NHSL1: variants seen among roughly 807,000 people sequenced by gnomAD.
NHSL1 encodes the protein NHS-like protein 1.
A neutral mutation model predicts 95.0 loss-of-function variants in NHSL1; 48 were observed. The ratio of observed to expected loss-of-function variants is 0.51; its 90% CI spans 0.40 to 0.64. The LOEUF (loss-of-function observed/expected upper bound fraction) is 0.64. Ranked by LOEUF, NHSL1 falls within the 30% of genes least tolerant of loss-of-function variation. NHSL1 has a pLI of 0.00. For missense variants in NHSL1, 1,971 were observed against 2,077.7 expected (o/e 0.95, Z 1.00); for synonymous variants, 783 against 833.9 (o/e 0.94, Z 1.05).
chr6:138,504,148 T>C (rs1286048374), upstream of NHSL1, among the ~76,000 whole-genome samples: 2 of 152,062 alleles, frequency 1.3e-5, no homozygotes, highest in Non-Finnish European at 2.9e-5. Flanking sequence ...GGCAGGAAGA[T>C]TGCTTAAGCC....
Position 138,432,188 on chromosome 6 carries a change from C to T in NHSL1, c.2157G>A (p.Ser719=), listed in dbSNP as rs573930732. Residue 719 remains serine (S), a synonymous_variant, in exon 6 of 8, where the codon TCG becomes TCA. Transcript: ENST00000343505. The surrounding 1 kb of genome is among the most constrained non-coding windows in gnomAD (Gnocchi z 4.4). ...AGTCACTGCAGGGGCTCTGGGAGGGCGAGCTGCCACTCTTGCCTGGGAGGC... is the reference window on the plus strand; with the variant it reads ...AGTCACTGCAGGGGCTCTGGGAGGGTGAGCTGCCACTCTTGCCTGGGAGGC... The part of the protein sequence containing the change: ...QLSLPGKSGS[S]PSQSPCSDLE... The T allele has an allele frequency of 2.0e-4, 314 of 1,545,910 alleles. No homozygotes were observed. Among genetic ancestry groups the T allele is most frequent in the South Asian group, 1.9e-3 (162 of 83,438 alleles).
At chr6:138,511,482 T>TCC (rs1781227740) in intron 1 of NHSL1, among the ~76,000 whole-genome samples, 1 of 151,838 alleles carries the variant, frequency 6.6e-6, no homozygotes, top group Non-Finnish European at 1.5e-5. Context: ...CTATGGGGTC[T>TCC]CCCAATGTTG....
intron 1 of NHSL1, among the ~76,000 whole-genome samples, chr6:138,651,259 G>A (rs1457501255): frequency 6.6e-6 from 1 of 152,142 alleles, no homozygotes; most frequent in Non-Finnish European, 1.5e-5. Flanking sequence ...CTTAGGAAAA[G>A]CAAAAACGTT....
At chr6:138,535,780 A>G (rs1341494594) in intron 1 of NHSL1, among the ~76,000 whole-genome samples, 2 of 152,182 alleles carry the variant, frequency 1.3e-5, no homozygotes, top group Non-Finnish European at 2.9e-5. Flanking sequence ...AGTTCAGTAC[A>G]CCAAATACCA....
chr6:138,637,702 G>T (rs928778878), intron 1 of NHSL1, among the ~76,000 whole-genome samples: 1 of 152,180 alleles, frequency 6.6e-6, no homozygotes, highest in Non-Finnish European at 1.5e-5. Flanking sequence ...AGTTAAGATG[G>T]CTTATTTCCA....
In NHSL1 at chr6:138,432,796, G is replaced by A. The variant is rs756664452; in HGVS notation, c.1549C>T (p.Pro517Ser). The change falls in exon 6 of 8, where the codon CCG (proline) becomes TCG (serine). Residue 517 changes from proline to serine, a missense_variant. Coordinates refer to ENST00000343505, the MANE Select transcript of NHSL1 (RefSeq NM_001144060.2). The surrounding 1 kb of genome is among the most constrained non-coding windows in gnomAD (Gnocchi z 4.4). ...ANRENGSQAM[P>S]YNCRNNLAFP... ...GCCAGGTTGTTTCTACAATTATACG[G>A]CATAGCTTGGGACCCATTCTCCCTA... The A allele has an allele frequency of 6.4e-7, 1 of 1,551,642 alleles. No homozygotes were observed. Among genetic ancestry groups the A allele is most frequent in the South Asian group, 1.2e-5 (1 of 84,056 alleles).
At chr6:138,497,218 C>G (rs1231502919) in intron 1 of NHSL1, among the ~76,000 whole-genome samples, 1 of 152,178 alleles carries the variant, frequency 6.6e-6, no homozygotes, top group Non-Finnish European at 1.5e-5. Flanking sequence ...GTTGGGGCAT[C>G]AGTGGAGCCC....
chr6:138,433,575 G>A lies in NHSL1; in HGVS notation c.770C>T (p.Ser257Leu). Residue 257 changes from serine (S) to leucine (L), a missense_variant, in exon 6 of 8, where the codon TCA (serine) becomes TTA (leucine). Coordinates refer to ENST00000343505, the MANE Select transcript of NHSL1 (RefSeq NM_001144060.2). ...FNSCRSAGQR[S>L]ETRDSSCQTE... ...CTGACAGCTGGAGTCCCTGGTTTCT[G>A]AGCGCTGCCCAGCAGACCGACAGCT... is the stretch of plus-strand genomic sequence containing the variant. 1 of 1,552,018 alleles carries A rather than the reference G, an allele frequency of 6.4e-7. No individual in the cohort carries two copies. The highest frequency in any genetic ancestry group is 1.4e-5 in the African/African-American group (1 of 73,140).
upstream of NHSL1, among the ~76,000 whole-genome samples, chr6:138,549,760 T>A (rs1782931486): frequency 6.6e-6 from 1 of 152,310 alleles, no homozygotes; most frequent in Non-Finnish European, 1.5e-5. Flanking sequence ...AAACCTATTT[T>A]TTCCATACCC....
At chr6:138,546,586 G>A (rs1481003639), upstream of NHSL1, among the ~76,000 whole-genome samples, 2 of 152,046 alleles carry the variant, frequency 1.3e-5, no homozygotes, top group African/African-American at 4.8e-5. Context: ...TCCAGCCCAG[G>A]CAACAGAGTG....
intron 1 of NHSL1, among the ~76,000 whole-genome samples, chr6:138,542,250 G>C (rs59948242): frequency 0.081 from 12,304 of 152,220 alleles, 1,653 homozygotes; most frequent in African/African-American, 0.28. Context: ...AAGTGGAAGA[G>C]GCAAGGAAGA....
intron 1 of NHSL1, among the ~76,000 whole-genome samples, chr6:138,556,392 G>C (rs1783196669): frequency 6.6e-6 from 1 of 151,912 alleles, no homozygotes; most frequent in African/African-American, 2.4e-5. Context: ...CAATGCTTCT[G>C]TCATTGTTAT....
chr6:138,644,122 C>T (rs9495175), intron 1 of NHSL1, among the ~76,000 whole-genome samples: 47,858 of 151,878 alleles, frequency 0.32, 7,958 homozygotes, highest in African/African-American at 0.42. Flanking sequence ...CAAATTTATA[C>T]AATTAGTCAT....
At chr6:138,492,498 T>C (rs531667590) in intron 2 of NHSL1, among the ~76,000 whole-genome samples, 2 of 152,242 alleles carry the variant, frequency 1.3e-5, no homozygotes, top group African/African-American at 2.4e-5. Flanking sequence ...ACAGAACAGA[T>C]GCTCAATATT....
In NHSL1 at chr6:138,473,374, TG is replaced by T; in HGVS notation, c.270del (p.Thr91ProfsTer86). The T allele has an allele frequency of 6.5e-7, 1 of 1,548,930 alleles. No homozygotes were observed. Among genetic ancestry groups the T allele is most frequent in the Non-Finnish European group, 8.7e-7 (1 of 1,145,966 alleles). On this transcript the variant is annotated frameshift_variant, in exon 3 of 8. Coordinates refer to ENST00000343505, the MANE Select transcript of NHSL1 (RefSeq NM_001144060.2). LOFTEE classifies it high-confidence loss of function. Reference sequence around the variant, plus strand: ...AATGGGCTGGCGTTGGCCGCAAAGGTGGGTCCCTGAGAGTAGTACTGAGAAC... The same window carrying T: ...AATGGGCTGGCGTTGGCCGCAAAGGTGGTCCCTGAGAGTAGTACTGAGAAC... ...YRSSQYYSQG[P>X]TFAANASPFC...
intron 2 of NHSL1, among the ~76,000 whole-genome samples, chr6:138,487,819 G>A (rs533220535): frequency 2.6e-5 from 4 of 152,214 alleles, no homozygotes; most frequent in Admixed American, 6.5e-5. Context: ...GTGCTACTGC[G>A]GTTTTGCGAA....
intron 1 of NHSL1, among the ~76,000 whole-genome samples, chr6:138,648,290 C>T (rs1204356823): frequency 6.8e-6 from 1 of 147,696 alleles, no homozygotes; most frequent in Non-Finnish European, 1.5e-5. Context: ...AAAATGAAAA[C>T]AGCTATAGAC....
chr6:138,579,969 C>T (rs1365817600), intron 1 of NHSL1, among the ~76,000 whole-genome samples: 1 of 152,138 alleles, frequency 6.6e-6, no homozygotes, highest in Non-Finnish European at 1.5e-5. Context: ...TTGCTTGATA[C>T]AAGCAGTGAT....
rs147366230 is a variant in NHSL1, at chr6:138,465,278, A to G, written c.339+8028T>C. Among the ~76,000 whole-genome samples, 13 of 152,226 alleles carry G rather than the reference A, an allele frequency of 8.5e-5. No homozygotes were observed. In the East Asian group the frequency reaches 2.5e-3, roughly 29 times the overall value. ...AATCTTACTCCACTCCCCACTTTCT[A>G]CATAAGGAAATTAATGCCTTAAAGG... On this transcript the variant is annotated intron_variant, in intron 3 of 7. Transcript: ENST00000343505.
Sources: allele counts gnomAD v4.1 joint callset (sites outside exome capture counted in the v4.1 genomes callset), GRCh38; gene constraint gnomAD v4.1.1; non-coding constraint Gnocchi (gnomAD v3.1); transcripts MANE v1.5; gene names NCBI Gene and HGNC (gene_info 2026-07-23, HGNC 2026-07-21).